The following ULK2 variants were observed in gnomAD, a reference collection of about 807,000 sequenced individuals.
The protein encoded by ULK2 is serine/threonine-protein kinase ULK2.
ULK2 carries 76 observed loss-of-function variants against 127.5 expected under a neutral mutation model. The observed-to-expected ratio is 0.60, with a 90% CI of 0.50 to 0.72. The LOEUF (loss-of-function observed/expected upper bound fraction) is 0.72, where lower values mean the gene tolerates loss of function less well. Among genes scored for constraint, ULK2 ranks in the 30% least tolerant of loss-of-function variants. The probability of loss-of-function intolerance (pLI) is 0.00; values close to 1 mark genes in which losing one functional copy is unlikely to be tolerated. For missense variants in ULK2, 1,144 were observed against 1,295.9 expected, an observed-to-expected ratio of 0.88 and a Z score of 1.80; for synonymous variants, 452 against 461.9, an observed-to-expected ratio of 0.98 and a Z score of 0.28.
chr17:19,864,977 T>C (rs1254164845), intron 2 of ULK2, 133 bp from the exon 3 acceptor site: 1 of 338,464 alleles, frequency 3.0e-6, no homozygotes, highest in East Asian at 4.9e-5. Flanking sequence ...AAAAATTCAA[T>C]TAAAGAATAA....
intron 3 of ULK2, among the ~76,000 whole-genome samples, chr17:19,862,107 T>C (rs953518316): frequency 2.0e-4 from 30 of 150,842 alleles, no homozygotes; most frequent in Admixed American, 2.6e-4. Context: ...CTTTTTTTTT[T>C]CCCCCCCGAG....
intron 3 of ULK2, chr17:19,856,215 A>T (rs1043867229): frequency 6.6e-6 from 1 of 152,062 alleles, no homozygotes; most frequent in Non-Finnish European, 1.5e-5. Flanking sequence ...ACCCTAGCTT[A>T]CTTCTGACTC....
intron 3 of ULK2, among the ~76,000 whole-genome samples, chr17:19,852,336 G>A (rs1367541360): frequency 2.7e-5 from 4 of 150,238 alleles, no homozygotes; most frequent in Non-Finnish European, 3.0e-5. Flanking sequence ...CGTGGCTAAC[G>A]CGGTGAAACC....
intron 3 of ULK2, chr17:19,861,113 AATAAT>A (rs1056116388): frequency 2.0e-5 from 3 of 152,172 alleles, no homozygotes; most frequent in African/African-American, 4.8e-5. Flanking sequence ...CCATGTACAA[AATAAT>A]ATAACATTTG....
Position 19,781,011 on chromosome 17 carries a change from C to G in ULK2, c.2733G>C (p.Leu911=). 1 of 1,614,064 alleles carries G rather than the reference C, an allele frequency of 6.2e-7. No individual in the cohort carries two copies. Among genetic ancestry groups the G allele is most frequent in the South Asian group, 1.1e-5 (1 of 91,070 alleles). The change falls in exon 24 of 27, where the codon CTG becomes CTC. Residue 911 remains leucine, a synonymous_variant. Coordinates refer to ENST00000395544, the MANE Select transcript of ULK2 (RefSeq NM_014683.4). ...CTTGTTTCACAGCTGTGGATGGGCT[C>G]AGTTTCCCGGACTTGATCTGGGCTT... The part of the protein sequence containing the change: ...LAKAQIKSGK[L]SPSTAVKQVV...
At chr17:19,781,394 C>A in intron 23 of ULK2, among the ~76,000 whole-genome samples, 1 of 151,892 alleles carries the variant, frequency 6.6e-6, no homozygotes, top group African/African-American at 2.4e-5. Flanking sequence ...ACCACAGGGA[C>A]GCACCACCAT....
At position 19,826,183 on chromosome 17, in the gene ULK2, G is replaced by A. The variant is rs145885221; in HGVS notation, c.791C>T (p.Ala264Val). 26 of 1,448,242 alleles carry A rather than the reference G, an allele frequency of 1.8e-5. No homozygotes were observed. Among genetic ancestry groups the A allele is most frequent in the Middle Eastern group, 3.7e-4 (2 of 5,474 alleles). The allele number at this position is 1,448,242 out of a possible 1,614,324, so 89.7% of individuals were successfully genotyped here. A position where few individuals can be genotyped will look rare whatever the true frequency, so the allele number is the denominator to read the frequency against. Residue 264 changes from alanine (A) to valine (V), a missense_variant, in exon 11 of 27, where the codon GCA becomes GTA. Physicochemically the swap from Ala to Val is moderately conservative, Grantham distance 64. Transcript: ENST00000395544. ...CTCAAGAAAAGGATGGCTAAAAAATGCTTCTGTAACAAGAAATGAGAATGC... is the reference window on the plus strand; with the variant it reads ...CTCAAGAAAAGGATGGCTAAAAAATACTTCTGTAACAAGAAATGAGAATGC... ...RNQKDRMDFE[A>V]FFSHPFLEQG...
At chr17:19,831,102 G>A (rs1023027513) in intron 10 of ULK2, among the ~76,000 whole-genome samples, 2 of 151,986 alleles carry the variant, frequency 1.3e-5, no homozygotes, top group South Asian at 4.2e-4. Context: ...TCCATGGCTG[G>A]GGAGGTTTCA....
intron 8 of ULK2, 69 bp from the exon 9 acceptor site, chr17:19,841,616 C>G (rs1281523286): frequency 1.6e-6 from 2 of 1,228,086 alleles, no homozygotes; most frequent in African/African-American, 3.2e-5. Flanking sequence ...ATGATTGACA[C>G]TCATATGCTT....
intron 25 of ULK2, among the ~76,000 whole-genome samples, chr17:19,778,973 A>C (rs2086862808): frequency 6.6e-6 from 1 of 152,124 alleles, no homozygotes. Flanking sequence ...TATGGAGGAC[A>C]TTTTTCTGGT....
At chr17:19,802,002 T>C in intron 15 of ULK2, 80 bp from the exon 16 acceptor site, 1 of 1,474,104 alleles carries the variant, frequency 6.8e-7, no homozygotes, top group Non-Finnish European at 9.0e-7. Flanking sequence ...TTCCTAACAA[T>C]ATGCCACGGA....
chr17:19,844,207 T>G (rs2041829176), intron 7 of ULK2, among the ~76,000 whole-genome samples: 1 of 152,198 alleles, frequency 6.6e-6, no homozygotes, highest in Non-Finnish European at 1.5e-5. Context: ...ATGTTGCATT[T>G]TAAATATACC....
chr17:19,801,618 G>A (rs1343261719), intron 16 of ULK2, among the ~76,000 whole-genome samples, 159 bp downstream of exon 16: 2 of 152,092 alleles, frequency 1.3e-5, no homozygotes, highest in Non-Finnish European at 2.9e-5. Context: ...AAGAAAAGAG[G>A]GAGTTGGGAT....
chr17:19,857,554 A>G (rs942808723), intron 3 of ULK2, among the ~76,000 whole-genome samples: 2 of 152,160 alleles, frequency 1.3e-5, no homozygotes, highest in Non-Finnish European at 1.5e-5. Context: ...CAGTTTTATG[A>G]GCACCACCTA....
intron 3 of ULK2, among the ~76,000 whole-genome samples, chr17:19,852,791 T>G (rs2042046559): frequency 6.6e-6 from 1 of 151,028 alleles, no homozygotes; most frequent in African/African-American, 2.4e-5. Context: ...CCACCACACC[T>G]GGCTAGTTTT....
chr17:19,841,949 C>A (rs924075356), intron 8 of ULK2, among the ~76,000 whole-genome samples: 4 of 152,064 alleles, frequency 2.6e-5, no homozygotes, highest in Non-Finnish European at 5.9e-5. Context: ...GACCACTATT[C>A]TGAAGGTTAC....
chr17:19,781,843 G>T (rs1211847284), intron 23 of ULK2, 46 bp downstream of exon 23: 1 of 1,590,478 alleles, frequency 6.3e-7, no homozygotes, highest in Admixed American at 1.7e-5. Flanking sequence ...CACAAGTTTA[G>T]ACAAAGCATG....
chr17:19,820,931 C>T (rs2041125870), intron 12 of ULK2, among the ~76,000 whole-genome samples: 1 of 152,166 alleles, frequency 6.6e-6, no homozygotes, highest in South Asian at 2.1e-4. Flanking sequence ...TTAAAACCTC[C>T]TTAATGTCAG....
chr17:19,846,134 A>G (rs1397172374), intron 6 of ULK2, among the ~76,000 whole-genome samples: 2 of 152,004 alleles, frequency 1.3e-5, no homozygotes, highest in Non-Finnish European at 2.9e-5. Flanking sequence ...TCAGACAAAC[A>G]AACAAAAAAA....
Sources: gnomAD v4.1 joint callset for allele counts (sites outside exome capture counted in the v4.1 genomes callset) on GRCh38, gnomAD v4.1.1 for gene constraint, MANE v1.5 for transcripts, NCBI Gene and HGNC (gene_info 2026-07-23, HGNC 2026-07-21) for gene names.